Variants in CCDC178 observed in about 807,000 individuals in gnomAD.
CCDC178 encodes coiled-coil domain containing 178.
Under a neutral mutation model 117.4 loss-of-function variants are expected in CCDC178, and 126 were observed. The ratio of observed to expected loss-of-function variants is 1.07; its 90% CI spans 0.93 to 1.24. CCDC178 has a LOEUF of 1.24. CCDC178 is among the 50% of genes most tolerant of loss of function. The probability of loss-of-function intolerance (pLI) is 0.00; values close to 1 mark genes in which losing one functional copy is unlikely to be tolerated. For synonymous variants in CCDC178, 283 were observed against 313.4 expected, an observed-to-expected ratio of 0.90 and a Z score of 1.02; for missense variants, 1,030 against 986.9, an observed-to-expected ratio of 1.04 and a Z score of -0.59.
At chr18:32,963,643 T>C (rs960456671) in intron 22 of CCDC178, among the ~76,000 whole-genome samples, 1 of 152,064 alleles carries the variant, frequency 6.6e-6, no homozygotes, top group African/African-American at 2.4e-5. Flanking sequence ...CTTTTGTCGA[T>C]GTACCCTCAC....
chr18:33,181,000 T>A (rs1464601326), intron 20 of CCDC178, among the ~76,000 whole-genome samples: 1 of 152,012 alleles, frequency 6.6e-6, no homozygotes, highest in Non-Finnish European at 1.5e-5. Context: ...ATGACTTTTT[T>A]TTTCTAAAGG....
At chr18:33,380,792 A>T (rs1432184773) in intron 5 of CCDC178, among the ~76,000 whole-genome samples, 1 of 152,174 alleles carries the variant, frequency 6.6e-6, no homozygotes, top group African/African-American at 2.4e-5. Context: ...GCTTTTTCCA[A>T]GTGGCCAAGG....
At chr18:33,225,271 T>C (rs1006567528) in intron 16 of CCDC178, among the ~76,000 whole-genome samples, 2 of 152,018 alleles carry the variant, frequency 1.3e-5, no homozygotes, top group Non-Finnish European at 2.9e-5. Flanking sequence ...TAAGCGATTC[T>C]TCTGCCTCAG....
chr18:33,084,185 C>A (rs934356351), intron 21 of CCDC178, among the ~76,000 whole-genome samples: 2 of 152,024 alleles, frequency 1.3e-5, no homozygotes, highest in African/African-American at 4.8e-5. Flanking sequence ...AACAAATATT[C>A]CCTCATTTTC....
chr18:33,373,263 G>A (rs1303052355), intron 5 of CCDC178, among the ~76,000 whole-genome samples: 7 of 152,114 alleles, frequency 4.6e-5, no homozygotes, highest in Non-Finnish European at 1.0e-4. Flanking sequence ...AGAGTCAGAA[G>A]TGGCTAAAAA....
At chr18:33,328,083 A>ATTTTT (rs771034112) in intron 10 of CCDC178, 2 of 100,688 alleles carry the variant, frequency 2.0e-5, no homozygotes, top group Non-Finnish European at 3.3e-5. Flanking sequence ...TTATCCCTAG[A>ATTTTT]TTTTTTTTTT....
chr18:33,216,546 A>G (rs910169370), intron 18 of CCDC178, among the ~76,000 whole-genome samples: 5 of 152,102 alleles, frequency 3.3e-5, no homozygotes, highest in Non-Finnish European at 5.9e-5. Flanking sequence ...CTGATTCTAC[A>G]GATCTCAATG....
chr18:33,344,400 G>A (rs958142522), intron 9 of CCDC178, among the ~76,000 whole-genome samples: 3 of 150,294 alleles, frequency 2.0e-5, no homozygotes, highest in East Asian at 3.9e-4. Flanking sequence ...TAACGCAGAC[G>A]AACATAAATC....
At chr18:33,427,427 T>C (rs996988295) in intron 2 of CCDC178, among the ~76,000 whole-genome samples, 6 of 152,080 alleles carry the variant, frequency 3.9e-5, no homozygotes, top group East Asian at 3.8e-4. Flanking sequence ...TATTACAAAA[T>C]AGTAAAAAAT....
intron 3 of CCDC178, among the ~76,000 whole-genome samples, chr18:33,408,578 A>G (rs1290139395): frequency 1.3e-5 from 2 of 152,024 alleles, no homozygotes; most frequent in African/African-American, 4.8e-5. Context: ...ACCAGGTTCT[A>G]TTCTTTAAGC....
intron 21 of CCDC178, among the ~76,000 whole-genome samples, chr18:33,080,746 A>G (rs1275976237): frequency 1.3e-5 from 2 of 152,186 alleles, no homozygotes; most frequent in Admixed American, 6.5e-5. Flanking sequence ...TATGAATTAA[A>G]TAATAATAGA....
chr18:33,078,632 C>A (rs1048624844), intron 21 of CCDC178, among the ~76,000 whole-genome samples: 2 of 151,996 alleles, frequency 1.3e-5, no homozygotes, highest in African/African-American at 4.8e-5. Context: ...TCTTATATAC[C>A]AACAATAGCC....
intron 20 of CCDC178, among the ~76,000 whole-genome samples, chr18:33,140,707 A>G (rs1187404811): frequency 6.7e-6 from 1 of 150,276 alleles, no homozygotes; most frequent in Non-Finnish European, 1.5e-5. Flanking sequence ...CTTGTCTCAG[A>G]TGAGACATTG....
At chr18:33,311,498 G>C in intron 11 of CCDC178, among the ~76,000 whole-genome samples, 1 of 152,254 alleles carries the variant, frequency 6.6e-6, no homozygotes, top group Non-Finnish European at 1.5e-5. Context: ...GAGAACCTCA[G>C]CTCCAGTGAG....
intron 22 of CCDC178, among the ~76,000 whole-genome samples, chr18:32,949,573 G>C (rs1015787380): frequency 6.6e-6 from 1 of 151,938 alleles, no homozygotes; most frequent in Admixed American, 6.6e-5. Flanking sequence ...TTTATTTCTA[G>C]AAGTTCAATT....
chr18:33,390,011 A>C (rs558066772), intron 4 of CCDC178, among the ~76,000 whole-genome samples: 26 of 148,772 alleles, frequency 1.7e-4, no homozygotes, highest in African/African-American at 6.3e-4. Flanking sequence ...TATATATACT[A>C]TTTTATACAT....
chr18:32,963,952 A>G (rs1328558767), intron 22 of CCDC178, among the ~76,000 whole-genome samples: 1 of 152,062 alleles, frequency 6.6e-6, no homozygotes, highest in Non-Finnish European at 1.5e-5. Context: ...TATTGTATAC[A>G]TTATGTTGGT....
chr18:33,117,316 C>T (rs549585720), intron 20 of CCDC178, among the ~76,000 whole-genome samples: 30 of 152,126 alleles, frequency 2.0e-4, no homozygotes, highest in Middle Eastern at 3.4e-3. Context: ...AACAAAATGG[C>T]CATGGTGTTT....
intron 12 of CCDC178, among the ~76,000 whole-genome samples, chr18:33,278,285 ATATATATATATAT>A (rs2059977211): frequency 7.9e-3 from 1 of 126 alleles, no homozygotes; most frequent in African/African-American, 0.019. Context: ...ACAAATACAT[ATATATATATATAT>A]ATATATATAT....
Sources: gnomAD v4.1 joint callset for allele counts (sites outside exome capture counted in the v4.1 genomes callset) on GRCh38, gnomAD v4.1.1 for gene constraint, MANE v1.5 for transcripts, NCBI Gene and HGNC (gene_info 2026-07-23, HGNC 2026-07-21) for gene names.